The following TOGARAM2 variants were observed in gnomAD, a reference collection of about 807,000 sequenced individuals.
The protein encoded by TOGARAM2 is TOG array regulator of axonemal microtubules 2, also known as TOG array regulator of axonemal microtubules protein 2.
In TOGARAM2, 85 loss-of-function variants were observed where a neutral mutation model predicts 93.3. The observed-to-expected ratio is 0.91, with a 90% CI of 0.76 to 1.09. The LOEUF is 1.09. Ranked by LOEUF, TOGARAM2 falls within the 50% of genes least tolerant of loss-of-function variation. The pLI is 0.00. For missense variants in TOGARAM2, 1,277 were observed against 1,334.5 expected (o/e 0.96, Z 0.67); for synonymous variants, 593 against 552.8 (o/e 1.07, Z -1.02).
chr2:29,033,834 C>T (rs1047648963), intron 16 of TOGARAM2, among the ~76,000 whole-genome samples: 4 of 152,132 alleles, frequency 2.6e-5, no homozygotes, highest in African/African-American at 4.8e-5. Flanking sequence ...CCACTAGCAT[C>T]GGTGGTTGGA....
At chr2:28,968,324 C>T (rs1216863990) in intron 1 of TOGARAM2, among the ~76,000 whole-genome samples, 1 of 152,118 alleles carries the variant, frequency 6.6e-6, no homozygotes, top group African/African-American at 2.4e-5. Context: ...TTTTATAACA[C>T]AGCAAATTCT....
intron 1 of TOGARAM2, among the ~76,000 whole-genome samples, chr2:28,968,200 C>A (rs1436171696): frequency 6.6e-6 from 1 of 152,184 alleles, no homozygotes; most frequent in East Asian, 1.9e-4. Flanking sequence ...ACAAAACTAG[C>A]TTAAATAGAG....
intron 1 of TOGARAM2, among the ~76,000 whole-genome samples, chr2:28,974,424 C>A (rs1671997142): frequency 4.6e-5 from 7 of 152,038 alleles, no homozygotes; most frequent in Admixed American, 4.6e-4. Flanking sequence ...TTGGATTCAT[C>A]CTATGTGGGG....
At chr2:29,006,353 TGA>T (rs1663852362) in intron 6 of TOGARAM2, among the ~76,000 whole-genome samples, 3 of 132,792 alleles carry the variant, frequency 2.3e-5, no homozygotes, top group African/African-American at 3.5e-5. Flanking sequence ...TGTGTATGTG[TGA>T]GTGCATGTGT....
upstream of TOGARAM2, among the ~76,000 whole-genome samples, chr2:28,976,817 T>TG (rs556582517): frequency 2.6e-5 from 4 of 152,328 alleles, no homozygotes; most frequent in East Asian, 7.7e-4. Flanking sequence ...TGGCAGGTGC[T>TG]GGTTGGGAGG....
rs568925285 is a variant in TOGARAM2 at position 29,014,605 on chromosome 2, C to T, written c.1044+44C>T. 79 of 1,543,858 alleles carry T rather than the reference C, an allele frequency of 5.1e-5. No individual in the cohort carries two copies. The South Asian group carries it at 9.0e-4, about 18-fold the overall frequency. ...GAGGAGGAAGTGGGGCTGGAGTGGA[C>T]CGCAGGCTGCAGGAAGGCAAGCAAG... is the stretch of plus-strand genomic sequence containing the variant. On this transcript the variant is annotated intron_variant, in intron 8 of 19. Coordinates refer to ENST00000379558, the MANE Select transcript of TOGARAM2 (RefSeq NM_199280.4).
chr2:29,007,760 G>A (rs1176503416), intron 6 of TOGARAM2, among the ~76,000 whole-genome samples: 1 of 152,098 alleles, frequency 6.6e-6, no homozygotes, highest in African/African-American at 2.4e-5. Flanking sequence ...GGTCCATCCA[G>A]CCCACGACCC....
At chr2:28,983,054 C>CTCAG (rs1207972691) in intron 1 of TOGARAM2, among the ~76,000 whole-genome samples, 1 of 141,016 alleles carries the variant, frequency 7.1e-6, no homozygotes, top group East Asian at 2.2e-4. Flanking sequence ...GTGGCATGAT[C>CTCAG]TCAGCTCACT....
chr2:28,988,887 A>G (rs1672585552), intron 1 of TOGARAM2, among the ~76,000 whole-genome samples: 1 of 151,782 alleles, frequency 6.6e-6, no homozygotes, highest in Middle Eastern at 3.2e-3. Flanking sequence ...GACACCTCTA[A>G]CCACTCTCTG....
intron 1 of TOGARAM2, among the ~76,000 whole-genome samples, chr2:28,963,569 G>T (rs1208185588): frequency 2.0e-5 from 3 of 152,110 alleles, no homozygotes; most frequent in Non-Finnish European, 4.4e-5. Flanking sequence ...TAGAGATGAG[G>T]TCTTGCTTAT....
At chr2:29,005,942 G>T (rs1284079549) in intron 6 of TOGARAM2, among the ~76,000 whole-genome samples, 2 of 148,606 alleles carry the variant, frequency 1.3e-5, no homozygotes, top group Non-Finnish European at 3.0e-5. Flanking sequence ...GTGTGTGTGG[G>T]GTATGTGTGC....
chr2:29,006,448 G>A (rs923239138), intron 6 of TOGARAM2, among the ~76,000 whole-genome samples: 8 of 151,114 alleles, frequency 5.3e-5, no homozygotes, highest in African/African-American at 1.9e-4. Flanking sequence ...GTGTGCATGT[G>A]TATCTGTGTG....
chr2:28,963,260 T>C (rs1292827413), intron 1 of TOGARAM2, among the ~76,000 whole-genome samples: 1 of 152,366 alleles, frequency 6.6e-6, no homozygotes, highest in East Asian at 1.9e-4. Flanking sequence ...AAGATCTTTT[T>C]GATATTTCTG....
intron 6 of TOGARAM2, among the ~76,000 whole-genome samples, chr2:29,008,385 A>AG (rs541822262): frequency 2.2e-4 from 33 of 152,176 alleles, no homozygotes; most frequent in Admixed American, 1.8e-3. Context: ...TCCTGACCTT[A>AG]GGTGATCTGC....
At chr2:29,029,607 T>A (rs1473619144) in intron 14 of TOGARAM2, among the ~76,000 whole-genome samples, 1 of 149,774 alleles carries the variant, frequency 6.7e-6, no homozygotes, top group African/African-American at 2.4e-5. Context: ...ATACAAAAAA[T>A]TAGCCAGGTG....
In TOGARAM2 at chr2:28,999,398, G is replaced by A. The variant is rs776521700; in HGVS notation, c.357G>A (p.Arg119=). 1.2e-6 allele frequency: 2 copies of A among 1,613,200 alleles called. No homozygotes were observed. Among genetic ancestry groups the A allele is most frequent in the African/African-American group, 1.3e-5 (1 of 74,918 alleles). The part of the protein sequence containing the change: ...SPESEANSVA[R]DTIQIKDKLK... Reference sequence around the variant, plus strand: ...AGTCAGAGGCCAACAGCGTGGCCAGGGACACCATCCAGATTAAGGACAAGC... The same window carrying A: ...AGTCAGAGGCCAACAGCGTGGCCAGAGACACCATCCAGATTAAGGACAAGC... The change falls in exon 4 of 20, where the codon AGG becomes AGA. Residue 119 remains arginine (R), a synonymous_variant. Coordinates refer to ENST00000379558, the MANE Select transcript of TOGARAM2 (RefSeq NM_199280.4).
At chr2:28,978,847 T>C (rs943670678), upstream of TOGARAM2, among the ~76,000 whole-genome samples, 1 of 152,076 alleles carries the variant, frequency 6.6e-6, no homozygotes, top group African/African-American at 2.4e-5. Flanking sequence ...ACAGGTGACA[T>C]CTGGTTTCCT....
At chr2:28,976,277 A>G (rs1572620330) in intron 1 of TOGARAM2, among the ~76,000 whole-genome samples, 1 of 152,188 alleles carries the variant, frequency 6.6e-6, no homozygotes, top group African/African-American at 2.4e-5. Flanking sequence ...AGGCTGAGGC[A>G]GGAGAATGGC....
intron 1 of TOGARAM2, among the ~76,000 whole-genome samples, chr2:28,987,215 C>T (rs185297294): frequency 1.1e-3 from 161 of 152,302 alleles, no homozygotes; most frequent in Middle Eastern, 3.4e-3. Context: ...TTGCCCCGGG[C>T]GCAAAGCAAA....
Sources: gnomAD v4.1 joint callset for allele counts (sites outside exome capture counted in the v4.1 genomes callset) on GRCh38, gnomAD v4.1.1 for gene constraint, MANE v1.5 for transcripts, NCBI Gene and HGNC (gene_info 2026-07-23, HGNC 2026-07-21) for gene names.